SEC22C: variants seen among roughly 807,000 people sequenced by gnomAD.
SEC22C encodes vesicle-trafficking protein SEC22c.
In SEC22C, 29 loss-of-function variants were observed where a neutral mutation model predicts 34.7. The ratio of observed to expected loss-of-function variants is 0.84; its 90% confidence interval spans 0.62 to 1.14. The LOEUF (loss-of-function observed/expected upper bound fraction) is 1.14, where lower values mean the gene tolerates loss of function less well. Among genes scored for constraint, SEC22C ranks in the 50% most tolerant of loss-of-function variants. The pLI is 0.00. For synonymous variants in SEC22C, 117 were observed against 132.8 expected, an observed-to-expected ratio of 0.88 and a Z score of 0.82; for missense variants, 337 against 369.0, an observed-to-expected ratio of 0.91 and a Z score of 0.71.
At chr3:42,557,513 C>T in intron 5 of SEC22C, 65 bp downstream of exon 5, 3 of 671,244 alleles carry the variant, frequency 4.5e-6, no homozygotes, top group East Asian at 2.8e-5. Context: ...AAAATGTATC[C>T]CTATCACTTT....
Position 42,553,005 on chromosome 3 carries a change from T to C in SEC22C, c.*243A>G. 2.3e-6 allele frequency: 3 copies of C among 1,319,182 alleles called. No homozygotes were observed. The highest frequency in any genetic ancestry group is 2.9e-6 in the Non-Finnish European group (3 of 1,035,848). The allele number at this position is 1,319,182 out of a possible 1,614,324, so 81.7% of individuals were successfully genotyped here. A position where few individuals can be genotyped will look rare whatever the true frequency, so the allele number is the denominator to read the frequency against. ...TTCTGGATGAGCCCCCAGATCCAGC[T>C]GTCCTAGGTAAACGTGCTGAACTGG... On this transcript the variant is annotated 3_prime_UTR_variant, in exon 7 of 7. Transcript: ENST00000264454.
chr3:42,570,142 C>A (rs892855427), intron 1 of SEC22C, among the ~76,000 whole-genome samples: 3 of 152,154 alleles, frequency 2.0e-5, no homozygotes, highest in African/African-American at 7.2e-5. Context: ...AGGGATGCAA[C>A]CTTATTTGGC....
At position 42,566,571 on chromosome 3, in the gene SEC22C, C is replaced by T. The variant is rs374317931; in HGVS notation, c.182+2294G>A. 6.4e-3 allele frequency among the ~76,000 whole-genome samples: 961 copies of T among 151,140 alleles called. 8 individuals are homozygous for T. The highest frequency in any genetic ancestry group is 0.021 in the African/African-American group (865 of 41,078). On this transcript the variant is annotated intron_variant, in intron 2 of 6. Transcript: ENST00000264454. ...GTGGGCACCTGTAGTCCCAGCTACT[C>T]GGGAGGCTGAGGCAGAAGAATGGTG...
chr3:42,571,271 G>A (rs1211621198), intron 1 of SEC22C, among the ~76,000 whole-genome samples: 3 of 152,142 alleles, frequency 2.0e-5, no homozygotes, highest in Non-Finnish European at 4.4e-5. Flanking sequence ...CTATCCTTTG[G>A]TGATCAAACT....
Position 42,557,559 on chromosome 3 carries a change from A to T in SEC22C, c.645+19T>A, listed in dbSNP as rs758551732. 5.7e-5 allele frequency: 57 copies of T among 994,482 alleles called. No homozygotes were observed. Among genetic ancestry groups the T allele is most frequent in the South Asian group, 2.2e-4 (12 of 54,916 alleles). 61.6% of individuals were successfully genotyped at this position (994,482 alleles called of 1,614,324 possible). A position where few individuals can be genotyped will look rare whatever the true frequency, so the allele number is the denominator to read the frequency against. ...ATGTCCTTCAATTTAAACTGTTTTA[A>T]AAAAAAAAAAAAGGTTACCTGTAAA... On this transcript the variant is annotated intron_variant, in intron 5 of 6. Coordinates refer to ENST00000264454, the MANE Select transcript of SEC22C (RefSeq NM_032970.4).
intron 4 of SEC22C, among the ~76,000 whole-genome samples, chr3:42,559,811 C>T (rs1361663479): frequency 6.6e-6 from 1 of 152,090 alleles, no homozygotes; most frequent in Non-Finnish European, 1.5e-5. Context: ...AAAAATCATA[C>T]TTTGTTATGT....
At chr3:42,588,603 A>G (rs1340840249) in intron 1 of SEC22C, among the ~76,000 whole-genome samples, 1 of 152,166 alleles carries the variant, frequency 6.6e-6, no homozygotes, top group Non-Finnish European at 1.5e-5. Context: ...GAAATTTTGC[A>G]TAAGATTGGT....
chr3:42,585,140 CAAAA>C (rs1704569947), upstream of SEC22C, among the ~76,000 whole-genome samples: 1 of 151,934 alleles, frequency 6.6e-6, no homozygotes, highest in South Asian at 2.1e-4. Context: ...AAAAAACAAA[CAAAA>C]CAAAACAAAA....
chr3:42,600,854 C>T (rs543954907), intron 1 of SEC22C: 8 of 505,050 alleles, frequency 1.6e-5, no homozygotes, highest in Non-Finnish European at 2.3e-5. Context: ...CTCGTCTTGG[C>T]CTCCTGCGCT....
In SEC22C at chr3:42,593,526, A is replaced by G. The variant is rs528806855; in HGVS notation, c.-28+7434T>C. Reference sequence around the variant, plus strand: ...TGAGCTCGAGCATCCTCAGATTTTGATATCTAAGGGGAGGAGGGAGGTGTC... The same window carrying G: ...TGAGCTCGAGCATCCTCAGATTTTGGTATCTAAGGGGAGGAGGGAGGTGTC... On this transcript the variant is annotated intron_variant, in intron 1 of 6. Transcript: ENST00000417572. 4.6e-5 allele frequency among the ~76,000 whole-genome samples: 7 copies of G among 152,158 alleles called. No homozygotes were observed. The East Asian group carries it at 1.4e-3, about 29-fold the overall frequency.
chr3:42,563,140 TC>T (rs1703023700), intron 3 of SEC22C, among the ~76,000 whole-genome samples: 1 of 152,238 alleles, frequency 6.6e-6, no homozygotes, highest in African/African-American at 2.4e-5. Context: ...AACTCTGCTG[TC>T]GTGGGGCAAA....
chr3:42,590,912 C>G (rs1704801660), intron 1 of SEC22C: 2 of 1,569,268 alleles, frequency 1.3e-6, no homozygotes, highest in Non-Finnish European at 1.7e-6. Flanking sequence ...CGGTGGCCTT[C>G]GTACCGGACT....
intron 1 of SEC22C, chr3:42,591,474 T>G (rs1577373975): frequency 2.1e-6 from 3 of 1,402,678 alleles, no homozygotes; most frequent in Non-Finnish European, 3.0e-6. Context: ...GTTACAGGCG[T>G]GAGCCACTGC....
At chr3:42,585,231 G>T (rs181481683), upstream of SEC22C, among the ~76,000 whole-genome samples, 2 of 152,342 alleles carry the variant, frequency 1.3e-5, no homozygotes, top group Admixed American at 1.3e-4. Flanking sequence ...TACACTCTCT[G>T]ACTGGTGCAA....
In SEC22C at chr3:42,598,021, C is replaced by T. The variant is rs563116000; in HGVS notation, c.-28+2939G>A. 3.9e-5 allele frequency among the ~76,000 whole-genome samples: 6 copies of T among 152,250 alleles called. No individual in the cohort carries two copies. The East Asian group carries it at 1.2e-3, about 29-fold the overall frequency. On this transcript the variant is annotated intron_variant, in intron 1 of 6. Transcript: ENST00000417572. ...AGCTATGGAAAACAGTATGGTAATT[C>T]CTGGAAAAATCTTAAATGGAATTAG... is the stretch of plus-strand genomic sequence containing the variant.
intron 5 of SEC22C, 34 bp downstream of exon 5, chr3:42,557,544 A>C: frequency 9.5e-7 from 1 of 1,057,414 alleles, no homozygotes; most frequent in African/African-American, 1.7e-5. Context: ...ATGTCCTTCA[A>C]TTTAAACTGT....
intron 2 of SEC22C, chr3:42,565,634 A>ATGCAACCATGGAGACAGAGCC (rs1703189148): frequency 7.9e-6 from 2 of 254,424 alleles, no homozygotes; most frequent in East Asian, 2.4e-4. Flanking sequence ...GAAGAAGACC[A>ATGCAACCATGGAGACAGAGCC]TGCAACCATG....
chr3:42,559,452 T>A (rs1702742266), intron 4 of SEC22C, among the ~76,000 whole-genome samples: 1 of 152,210 alleles, frequency 6.6e-6, no homozygotes, highest in South Asian at 2.1e-4. Flanking sequence ...TAAGGGAAAA[T>A]CTTGGAGCTC....
At chr3:42,590,096 C>T (rs914872293) in intron 1 of SEC22C, among the ~76,000 whole-genome samples, 5 of 147,286 alleles carry the variant, frequency 3.4e-5, no homozygotes, top group Non-Finnish European at 1.5e-5. Context: ...TTTAGGGTTG[C>T]CAACCTAATA....
Sources: allele counts gnomAD v4.1 joint callset (sites outside exome capture counted in the v4.1 genomes callset), GRCh38; gene constraint gnomAD v4.1.1; transcripts MANE v1.5; gene names NCBI Gene and HGNC (gene_info 2026-07-23, HGNC 2026-07-21).